Variants in TMEM132C observed in about 807,000 individuals in gnomAD.
The protein encoded by TMEM132C is transmembrane protein 132C, also known as protein phosphatase 1, regulatory subunit 152.
In TMEM132C, 29 loss-of-function variants were observed where a neutral mutation model predicts 61.4. The ratio of observed to expected loss-of-function variants is 0.47; its 90% CI spans 0.35 to 0.64. TMEM132C has a LOEUF of 0.64. TMEM132C is among the 30% of genes least tolerant of loss of function. TMEM132C has a pLI of 0.00. For missense variants in TMEM132C, 1,408 were observed against 1,476.9 expected (o/e 0.95, Z 0.76); for synonymous variants, 656 against 633.1 (o/e 1.04, Z -0.54).
chr12:128,399,554 G>C (rs569774540), intron 1 of TMEM132C, among the ~76,000 whole-genome samples: 1 of 151,962 alleles, frequency 6.6e-6, no homozygotes, highest in Non-Finnish European at 1.5e-5. Flanking sequence ...TTTCCAAACT[G>C]TTTTGGAGGC....
intron 1 of TMEM132C, among the ~76,000 whole-genome samples, chr12:128,353,653 T>A (rs1873409190): frequency 6.6e-6 from 1 of 152,208 alleles, no homozygotes; most frequent in Admixed American, 6.5e-5. Context: ...GCTGTTTGTT[T>A]TCCCACATTG....
rs1424269331 is a variant in TMEM132C, at chr12:128,707,055, C to G, written c.*760C>G. The G allele has an allele frequency of 3.3e-5, 5 of 152,206 alleles. No individual in the cohort carries two copies. Among genetic ancestry groups the G allele is most frequent in the African/African-American group, 9.6e-5 (4 of 41,464 alleles). The allele number at this position is 152,206 out of a possible 1,614,324, so 9.4% of individuals were successfully genotyped here. A position where few individuals can be genotyped will look rare whatever the true frequency, so the allele number is the denominator to read the frequency against. ...TTTAAGTAGTAACTTGAATGTTTTTCTATATCCCTCCAGCTTTGTTGATAG... is the reference window on the plus strand; with the variant it reads ...TTTAAGTAGTAACTTGAATGTTTTTGTATATCCCTCCAGCTTTGTTGATAG... On this transcript the variant is annotated 3_prime_UTR_variant, in exon 9 of 9. Transcript: ENST00000435159.
In TMEM132C at chr12:128,642,845, G is replaced by A. The variant is rs1954167941; in HGVS notation, c.1305+26510G>A. Among the ~76,000 whole-genome samples, 5 of 152,358 alleles carry A rather than the reference G, an allele frequency of 3.3e-5. No individual in the cohort carries two copies. In the South Asian group the frequency reaches 8.3e-4, roughly 25 times the overall value. ...TTTGCCAAGGACACACAACTCAGAA[G>A]CAGCAGGCTGTGGTTGGAATCCAGC... On this transcript the variant is annotated intron_variant, in intron 4 of 8. Coordinates refer to ENST00000435159, the MANE Select transcript of TMEM132C (RefSeq NM_001136103.3).
At chr12:128,412,182 T>C (rs1868581476) in intron 1 of TMEM132C, among the ~76,000 whole-genome samples, 1 of 152,208 alleles carries the variant, frequency 6.6e-6, no homozygotes, top group African/African-American at 2.4e-5. Context: ...TTCTTTCCAT[T>C]TGTAACCAAT....
At chr12:128,667,266 C>T (rs1386840699) in intron 4 of TMEM132C, among the ~76,000 whole-genome samples, 1 of 152,160 alleles carries the variant, frequency 6.6e-6, no homozygotes, top group Non-Finnish European at 1.5e-5. Flanking sequence ...AAACTAATCA[C>T]AATCCATGAG....
intron 1 of TMEM132C, among the ~76,000 whole-genome samples, chr12:128,336,343 T>C (rs910254979): frequency 3.3e-5 from 5 of 152,202 alleles, no homozygotes; most frequent in African/African-American, 7.2e-5. Context: ...TTGTGAGAAA[T>C]AGAATTTTCT....
chr12:128,275,882 G>A (rs1870672572), intron 1 of TMEM132C, among the ~76,000 whole-genome samples: 1 of 152,148 alleles, frequency 6.6e-6, no homozygotes, highest in Admixed American at 6.5e-5. Context: ...GCCATGCACT[G>A]TGCTGAGCCC....
chr12:128,428,254 T>C (rs1565933336), intron 2 of TMEM132C, among the ~76,000 whole-genome samples: 1 of 124,894 alleles, frequency 8.0e-6, no homozygotes, highest in Non-Finnish European at 1.8e-5. Flanking sequence ...CCTATAAAAC[T>C]TTTGGGAGTT....
intron 1 of TMEM132C, among the ~76,000 whole-genome samples, chr12:128,285,224 A>G (rs1422515845): frequency 6.6e-6 from 1 of 152,168 alleles, no homozygotes; most frequent in Non-Finnish European, 1.5e-5. Context: ...AATACCTAGA[A>G]GAACAGATTT....
At chr12:128,468,090 G>A (rs1218340588) in intron 2 of TMEM132C, among the ~76,000 whole-genome samples, 1 of 152,196 alleles carries the variant, frequency 6.6e-6, no homozygotes, top group East Asian at 1.9e-4. Flanking sequence ...GTCTGACTCA[G>A]TGCTGAAGCT....
chr12:128,602,481 C>G (rs1167268526), intron 3 of TMEM132C, among the ~76,000 whole-genome samples: 1 of 152,250 alleles, frequency 6.6e-6, no homozygotes, highest in Non-Finnish European at 1.5e-5. Context: ...GCAAGCTCGT[C>G]ATGGCACTGC....
chr12:128,434,259 C>G (rs1869496771), intron 2 of TMEM132C, among the ~76,000 whole-genome samples: 1 of 152,228 alleles, frequency 6.6e-6, no homozygotes, highest in Non-Finnish European at 1.5e-5. Context: ...CTGGACCTCA[C>G]TCTTAGAGTT....
At chr12:128,469,716 G>A (rs1021943902) in intron 2 of TMEM132C, among the ~76,000 whole-genome samples, 1 of 151,474 alleles carries the variant, frequency 6.6e-6, no homozygotes, top group African/African-American at 2.4e-5. Context: ...GCATTTATGT[G>A]TGTGTGTATA....
chr12:128,387,600 A>G (rs1874628166), intron 1 of TMEM132C, among the ~76,000 whole-genome samples: 1 of 152,130 alleles, frequency 6.6e-6, no homozygotes. Flanking sequence ...TCACGAGGTC[A>G]GGAGTTCAAG....
chr12:128,539,574 C>T (rs1421272584), intron 2 of TMEM132C, among the ~76,000 whole-genome samples: 1 of 152,082 alleles, frequency 6.6e-6, no homozygotes, highest in East Asian at 1.9e-4. Context: ...GCCGAGATGG[C>T]GCCATTGCAC....
intron 2 of TMEM132C, among the ~76,000 whole-genome samples, chr12:128,479,096 T>A (rs1871244252): frequency 3.3e-5 from 5 of 152,118 alleles, no homozygotes; most frequent in Non-Finnish European, 7.4e-5. Flanking sequence ...CCATCATCCT[T>A]AGCAAACTAG....
chr12:128,668,890 G>T (rs1037126099), intron 4 of TMEM132C, among the ~76,000 whole-genome samples: 5 of 152,024 alleles, frequency 3.3e-5, no homozygotes, highest in Non-Finnish European at 7.4e-5. Flanking sequence ...AGGACTTTAG[G>T]ATGACTGGAT....
intron 2 of TMEM132C, among the ~76,000 whole-genome samples, chr12:128,484,874 CTT>C (rs761422283): frequency 1.6e-4 from 24 of 152,080 alleles, no homozygotes; most frequent in Non-Finnish European, 3.5e-4. Context: ...AGGAGGATCA[CTT>C]GAGCCCAGGA....
In TMEM132C at chr12:128,511,247, C is replaced by T. The variant is rs11612952; in HGVS notation, c.975-32710C>T. Among the ~76,000 whole-genome samples, 886 of 152,326 alleles carry T rather than the reference C, an allele frequency of 5.8e-3. 8 individuals carry two copies. The highest frequency in any genetic ancestry group is 7.2e-3 in the Non-Finnish European group (487 of 68,026). ...ACCCATGAATGCAGCTGCTGTCATT[C>T]GGCCAGCAGGTATTTTCAGGCACCT... On this transcript the variant is annotated intron_variant, in intron 2 of 8. Transcript: ENST00000435159.
Sources: allele counts gnomAD v4.1 joint callset (sites outside exome capture counted in the v4.1 genomes callset), GRCh38; gene constraint gnomAD v4.1.1; transcripts MANE v1.5; gene names NCBI Gene and HGNC (gene_info 2026-07-23, HGNC 2026-07-21).